The following CLDN10 variants were observed in gnomAD, a reference collection of about 807,000 sequenced individuals.
CLDN10 encodes claudin-10.
A neutral mutation model predicts 22.9 loss-of-function variants in CLDN10; 15 were observed. That is an observed-to-expected ratio of 0.65 (90% CI 0.44 to 1.01). CLDN10 has a LOEUF of 1.01. Ranked by LOEUF, CLDN10 falls within the 50% of genes least tolerant of loss-of-function variation. The pLI is 0.00. For synonymous variants in CLDN10, 114 were observed against 111.4 expected (o/e 1.02, Z -0.15); for missense variants, 247 against 287.8 (o/e 0.86, Z 1.03).
intron 1 of CLDN10, 62 bp downstream of exon 1, chr13:95,553,035 C>T (rs2043587273): frequency 6.3e-7 from 1 of 1,580,598 alleles, no homozygotes; most frequent in South Asian, 1.1e-5. Flanking sequence ...CCGCTAGGCG[C>T]CCTCTCGCCC....
intron 3 of CLDN10, among the ~76,000 whole-genome samples, chr13:95,562,097 T>C (rs2043721557): frequency 6.6e-6 from 1 of 151,798 alleles, no homozygotes; most frequent in Non-Finnish European, 1.5e-5. Flanking sequence ...GCCCAGCTAA[T>C]TTTTTTGTAT....
intron 1 of CLDN10, among the ~76,000 whole-genome samples, chr13:95,526,467 C>T (rs1035250190): frequency 6.6e-6 from 1 of 152,136 alleles, no homozygotes; most frequent in South Asian, 2.1e-4. Context: ...TAAGTTGTTC[C>T]TTATGAAACT....
At chr13:95,515,860 G>A (rs9524998) in intron 1 of CLDN10, among the ~76,000 whole-genome samples, 6,121 of 152,176 alleles carry the variant, frequency 0.04, 177 homozygotes, top group Middle Eastern at 0.096. Context: ...GATCACTTGA[G>A]GTCAGCAGTT....
At position 95,526,035 on chromosome 13, in the gene CLDN10, T is replaced by G. The variant is rs139513104; in HGVS notation, c.215-34097T>G. Reference sequence around the variant, plus strand: ...TTTCTAAGTCTCAATGTTTTCGCACTTCTCTCTGGAAGATATTGTTAACTT... The same window carrying G: ...TTTCTAAGTCTCAATGTTTTCGCACGTCTCTCTGGAAGATATTGTTAACTT... On this transcript the variant is annotated intron_variant, in intron 1 of 4. Transcript: ENST00000376873. Among the ~76,000 whole-genome samples the G allele has an allele frequency of 1.1e-3, 162 of 152,304 alleles. 1 individual carries two copies. The highest frequency in any genetic ancestry group is 3.7e-3 in the African/African-American group (153 of 41,562).
At chr13:95,445,728 GAC>G (rs1442045360) in intron 1 of CLDN10, among the ~76,000 whole-genome samples, 2 of 152,194 alleles carry the variant, frequency 1.3e-5, no homozygotes, top group Non-Finnish European at 2.9e-5. Flanking sequence ...TAGAGAGTGA[GAC>G]AGATTAGTTT....
intron 1 of CLDN10, among the ~76,000 whole-genome samples, chr13:95,514,548 G>A (rs932883867): frequency 9.9e-5 from 15 of 152,146 alleles, no homozygotes; most frequent in African/African-American, 3.4e-4. Context: ...TTTGAGAAGA[G>A]AGGAGTAAAA....
intron 1 of CLDN10, among the ~76,000 whole-genome samples, chr13:95,545,255 C>CT (rs2043496489): frequency 6.6e-6 from 1 of 151,964 alleles, no homozygotes; most frequent in Non-Finnish European, 1.5e-5. Context: ...TAAGAAGTCA[C>CT]TTTTGAGTCC....
At chr13:95,438,794 C>A (rs1201796940) in intron 1 of CLDN10, among the ~76,000 whole-genome samples, 1 of 152,008 alleles carries the variant, frequency 6.6e-6, no homozygotes, top group Non-Finnish European at 1.5e-5. Context: ...GCCTGACCAA[C>A]TTGGCGAAAT....
intron 1 of CLDN10, among the ~76,000 whole-genome samples, chr13:95,512,240 C>G (rs1369392720): frequency 7.6e-6 from 1 of 132,414 alleles, no homozygotes; most frequent in Middle Eastern, 3.8e-3. Context: ...AAAGTCATCT[C>G]AGACAAAGAT....
In CLDN10 at chr13:95,450,854, A is replaced by G. The variant is rs116146572; in HGVS notation, c.214+16807A>G. 1.1e-3 allele frequency among the ~76,000 whole-genome samples: 162 copies of G among 152,334 alleles called. 1 individual carries two copies. The highest frequency in any genetic ancestry group is 3.8e-3 in the African/African-American group (158 of 41,572). ...TTCACTGTTCTACTTGCTCGAATCAAGGCTACAGATGAAACCCCCAAAGGC... is the reference window on the plus strand; with the variant it reads ...TTCACTGTTCTACTTGCTCGAATCAGGGCTACAGATGAAACCCCCAAAGGC... On this transcript the variant is annotated intron_variant, in intron 1 of 4. Coordinates refer to the CLDN10 transcript ENST00000376873.
chr13:95,564,999 C>T (rs932251194), intron 3 of CLDN10, among the ~76,000 whole-genome samples: 3 of 151,856 alleles, frequency 2.0e-5, no homozygotes, highest in South Asian at 2.1e-4. Context: ...TTTTTTCATT[C>T]GAGCTATGAC....
chr13:95,439,439 T>A (rs917913364), intron 1 of CLDN10, among the ~76,000 whole-genome samples: 1 of 151,854 alleles, frequency 6.6e-6, no homozygotes, highest in African/African-American at 2.4e-5. Flanking sequence ...GGTTAAGCGA[T>A]TCTCCTGCTT....
chr13:95,508,322 G>T (rs181100832), intron 1 of CLDN10, among the ~76,000 whole-genome samples: 16 of 152,184 alleles, frequency 1.1e-4, no homozygotes, highest in Non-Finnish European at 1.9e-4. Context: ...GTGTTGATAA[G>T]GCCACCTGTC....
intron 1 of CLDN10, among the ~76,000 whole-genome samples, chr13:95,504,322 A>G (rs10508025): frequency 0.14 from 21,581 of 152,216 alleles, 1,853 homozygotes; most frequent in African/African-American, 0.24. Flanking sequence ...TGCAAGAAAC[A>G]TTAATCACAT....
At chr13:95,457,764 A>G (rs947053503) in intron 1 of CLDN10, among the ~76,000 whole-genome samples, 12 of 152,046 alleles carry the variant, frequency 7.9e-5, no homozygotes, top group African/African-American at 2.7e-4. Flanking sequence ...CCCTTTTTCT[A>G]GGGTGTACTC....
chr13:95,434,624 A>G (rs2042248593), intron 1 of CLDN10, among the ~76,000 whole-genome samples: 1 of 149,512 alleles, frequency 6.7e-6, no homozygotes, highest in Admixed American at 6.6e-5. Context: ...ATATATACAT[A>G]TATTCATGCA....
intron 3 of CLDN10, among the ~76,000 whole-genome samples, chr13:95,571,170 TAATC>T (rs1346363847): frequency 6.6e-6 from 1 of 151,960 alleles, no homozygotes; most frequent in African/African-American, 2.4e-5. Flanking sequence ...ACATGGTAGG[TAATC>T]AATCAATGTT....
At chr13:95,500,395 G>A (rs2042973022) in intron 1 of CLDN10, among the ~76,000 whole-genome samples, 1 of 152,216 alleles carries the variant, frequency 6.6e-6, no homozygotes, top group African/African-American at 2.4e-5. Context: ...AATGATCCAG[G>A]AAGGAGAGTG....
At chr13:95,506,912 T>C (rs2043044534) in intron 1 of CLDN10, among the ~76,000 whole-genome samples, 1 of 152,118 alleles carries the variant, frequency 6.6e-6, no homozygotes, top group Non-Finnish European at 1.5e-5. Context: ...GCTCCCAAAA[T>C]AGAGTTTCTC....
Sources: allele counts gnomAD v4.1 joint callset (sites outside exome capture counted in the v4.1 genomes callset), GRCh38; gene constraint gnomAD v4.1.1; transcripts MANE v1.5; gene names NCBI Gene and HGNC (gene_info 2026-07-23, HGNC 2026-07-21).